The following LAMA2 variants were observed in gnomAD, a reference collection of about 807,000 sequenced individuals.
The protein encoded by LAMA2 is laminin subunit alpha-2.
Under a neutral mutation model 364.8 loss-of-function variants are expected in LAMA2, and 269 were observed. The ratio of observed to expected loss-of-function variants is 0.74; its 90% CI spans 0.67 to 0.82. The LOEUF (loss-of-function observed/expected upper bound fraction) is 0.82, where lower values mean the gene tolerates loss of function less well. Among genes scored for constraint, LAMA2 ranks in the 40% least tolerant of loss-of-function variants. LAMA2 has a pLI of 0.00. For missense variants in LAMA2, 3,807 were observed against 3,873.2 expected (o/e 0.98, Z 0.45); for synonymous variants, 1,379 against 1,370.6 (o/e 1.01, Z -0.14).
chr6:129,423,426 A>G (rs1025896882), intron 40 of LAMA2, among the ~76,000 whole-genome samples: 38 of 152,094 alleles, frequency 2.5e-4, no homozygotes, highest in Non-Finnish European at 4.7e-4. Flanking sequence ...CTGGTGGTTC[A>G]TGCCTGTAAC....
chr6:129,115,801 G>T (rs1253712742), intron 4 of LAMA2, among the ~76,000 whole-genome samples: 3 of 152,124 alleles, frequency 2.0e-5, no homozygotes, highest in African/African-American at 7.2e-5. Flanking sequence ...ATCTAAGAAT[G>T]AGGAAGTATA....
intron 1 of LAMA2, among the ~76,000 whole-genome samples, chr6:128,924,946 C>T (rs777889758): frequency 5.9e-5 from 9 of 152,192 alleles, no homozygotes; most frequent in Non-Finnish European, 1.0e-4. Flanking sequence ...GAATATATTT[C>T]GGTTGTAAAA....
intron 12 of LAMA2, among the ~76,000 whole-genome samples, chr6:129,214,057 T>C (rs779888578): frequency 2.0e-5 from 3 of 152,198 alleles, no homozygotes; most frequent in Non-Finnish European, 4.4e-5. Context: ...TCTGCATTTA[T>C]GTATTTTTTC....
chr6:129,136,073 A>AT (rs1205242991), intron 4 of LAMA2, among the ~76,000 whole-genome samples: 5 of 151,844 alleles, frequency 3.3e-5, no homozygotes, highest in African/African-American at 4.8e-5. Flanking sequence ...GCATTTAGTA[A>AT]TTTTTTTTGT....
At chr6:128,921,417 A>G (rs1778705380) in intron 1 of LAMA2, among the ~76,000 whole-genome samples, 1 of 152,194 alleles carries the variant, frequency 6.6e-6, no homozygotes, top group Non-Finnish European at 1.5e-5. Flanking sequence ...ATTTGCAAAT[A>G]GGGTCTTTGC....
At chr6:128,884,639 T>G (rs1442134601) in intron 1 of LAMA2, among the ~76,000 whole-genome samples, 1 of 152,206 alleles carries the variant, frequency 6.6e-6, no homozygotes, top group East Asian at 1.9e-4. Flanking sequence ...TTTCCTTCTA[T>G]TTTTGCTTTT....
intron 37 of LAMA2, among the ~76,000 whole-genome samples, chr6:129,398,472 C>CTTTT (rs71028159): frequency 4.1e-4 from 45 of 110,510 alleles, no homozygotes; most frequent in African/African-American, 6.5e-4. Context: ...CTTTTCTTTT[C>CTTTT]TTTTTTTTTT....
At chr6:129,308,585 T>C (rs1351475614) in intron 22 of LAMA2, among the ~76,000 whole-genome samples, 1 of 152,038 alleles carries the variant, frequency 6.6e-6, no homozygotes, top group Non-Finnish European at 1.5e-5. Flanking sequence ...AAAATCACCA[T>C]CAAAAGTCTA....
intron 64 of LAMA2, among the ~76,000 whole-genome samples, chr6:129,514,970 A>AACTT (rs1786927493): frequency 6.6e-6 from 1 of 152,112 alleles, no homozygotes; most frequent in South Asian, 2.1e-4. Context: ...AATGTTATGG[A>AACTT]ACTTATTTCC....
intron 1 of LAMA2, among the ~76,000 whole-genome samples, chr6:128,924,612 A>G (rs1778970426): frequency 6.6e-6 from 1 of 152,144 alleles, no homozygotes; most frequent in Non-Finnish European, 1.5e-5. Flanking sequence ...CTCATATGAA[A>G]AATTTATACT....
chr6:128,975,666 G>A (rs1207103459), intron 1 of LAMA2, among the ~76,000 whole-genome samples: 2 of 152,130 alleles, frequency 1.3e-5, no homozygotes, highest in African/African-American at 2.4e-5. Context: ...CTTTTCTCAT[G>A]ATAGTGAATA....
At chr6:129,284,138 C>A (rs1788930490) in intron 18 of LAMA2, among the ~76,000 whole-genome samples, 1 of 152,158 alleles carries the variant, frequency 6.6e-6, no homozygotes, top group African/African-American at 2.4e-5. Flanking sequence ...CAGGGAAACA[C>A]CCTCAGTCTT....
At chr6:129,139,359 A>T (rs941198885) in intron 4 of LAMA2, among the ~76,000 whole-genome samples, 2 of 152,134 alleles carry the variant, frequency 1.3e-5, no homozygotes, top group Non-Finnish European at 2.9e-5. Context: ...TTAGAAAAAA[A>T]TCTGCATCTG....
intron 40 of LAMA2, among the ~76,000 whole-genome samples, chr6:129,419,871 CT>C (rs1304698441): frequency 1.3e-5 from 2 of 152,028 alleles, no homozygotes; most frequent in Non-Finnish European, 2.9e-5. Context: ...TGTTTCTTGA[CT>C]CATTTTTTAC....
chr6:129,480,755 T>C (rs1340744336), intron 54 of LAMA2, among the ~76,000 whole-genome samples: 1 of 152,168 alleles, frequency 6.6e-6, no homozygotes, highest in East Asian at 1.9e-4. Flanking sequence ...ATGTTTGTTT[T>C]ATTTATTTTT....
intron 4 of LAMA2, among the ~76,000 whole-genome samples, chr6:129,138,134 A>T (rs540699519): frequency 1.4e-4 from 22 of 152,086 alleles, no homozygotes; most frequent in Non-Finnish European, 2.1e-4. Flanking sequence ...TGATTCAGTG[A>T]CCATCTAGTA....
intron 1 of LAMA2, among the ~76,000 whole-genome samples, chr6:128,945,045 G>A (rs1780407054): frequency 6.6e-6 from 1 of 152,136 alleles, no homozygotes; most frequent in Non-Finnish European, 1.5e-5. Context: ...CTGAAGGTTT[G>A]TTACATCACA....
intron 10 of LAMA2, 54 bp from the exon 11 acceptor site, chr6:129,190,151 C>A: frequency 6.4e-7 from 1 of 1,571,046 alleles, no homozygotes; most frequent in Non-Finnish European, 8.8e-7. Flanking sequence ...GACATGGACG[C>A]AGCTCATAAT....
chr6:129,248,464 C>T (rs939863431), intron 12 of LAMA2, among the ~76,000 whole-genome samples: 1 of 152,066 alleles, frequency 6.6e-6, no homozygotes, highest in Non-Finnish European at 1.5e-5. Context: ...GAAAATTATC[C>T]TTAATTCAAA....
Sources: allele counts gnomAD v4.1 joint callset (sites outside exome capture counted in the v4.1 genomes callset), GRCh38; gene constraint gnomAD v4.1.1; transcripts MANE v1.5; gene names NCBI Gene and HGNC (gene_info 2026-07-23, HGNC 2026-07-21).